The following FRMPD4 variants were observed in gnomAD, a reference collection of about 807,000 sequenced individuals.
The protein encoded by FRMPD4 is FERM and PDZ domain containing 4, also known as FERM and PDZ domain-containing protein 4.
In FRMPD4, 22 loss-of-function variants were observed where a neutral mutation model predicts 94.1. That is an observed-to-expected ratio of 0.23 (90% CI 0.17 to 0.33). The LOEUF (loss-of-function observed/expected upper bound fraction) is 0.33. Ranked by LOEUF, FRMPD4 falls within the 10% of genes least tolerant of loss-of-function variation. FRMPD4 has a pLI of 1.00. For missense variants in FRMPD4, 1,111 were observed against 1,339.9 expected (o/e 0.83, Z 2.67); for synonymous variants, 631 against 548.6 (o/e 1.15, Z -2.10).
intron 1 of FRMPD4, among the ~76,000 whole-genome samples, chrX:12,231,603 A>T (rs1383297371): frequency 1.8e-5 from 2 of 111,376 alleles, no homozygotes; most frequent in African/African-American, 6.5e-5. Context: ...CACTTCGAGG[A>T]ACTTTACAAA....
At chrX:12,361,334 T>TGC (rs2147991633) in intron 1 of FRMPD4, among the ~76,000 whole-genome samples, 1 of 112,580 alleles carries the variant, frequency 8.9e-6, no homozygotes, top group Non-Finnish European at 1.9e-5. Context: ...GAAACCTCTG[T>TGC]AGGACTGCAT....
intron 3 of FRMPD4, among the ~76,000 whole-genome samples, chrX:12,045,804 A>G (rs1240606693): frequency 9.0e-6 from 1 of 111,693 alleles, no homozygotes; most frequent in Non-Finnish European, 1.9e-5. Flanking sequence ...TTATGACTAT[A>G]TGAGACAATG....
upstream of FRMPD4, among the ~76,000 whole-genome samples, chrX:12,137,998 T>C (rs1230667128): frequency 1.8e-5 from 2 of 111,403 alleles, no homozygotes; most frequent in Non-Finnish European, 3.8e-5. Flanking sequence ...AGGGAGCAGC[T>C]GTGTTCATCC....
intron 3 of FRMPD4, among the ~76,000 whole-genome samples, chrX:11,930,107 CAAAAAAAAAAAAA>C (rs55973946): frequency 1.5e-4 from 2 of 13,257 alleles, no homozygotes; most frequent in South Asian, 0.013. Flanking sequence ...GACTCTGTCT[CAAAAAAAAAAAAA>C]AAAAAAAAAA....
intron 3 of FRMPD4, among the ~76,000 whole-genome samples, chrX:12,013,796 A>G (rs188461180): frequency 8.9e-6 from 1 of 112,973 alleles, no homozygotes. Flanking sequence ...ATTATTTCAA[A>G]TGTTTCCCTT....
chrX:12,614,393 A>C (rs2059214709), intron 3 of FRMPD4, among the ~76,000 whole-genome samples: 1 of 110,499 alleles, frequency 9.0e-6, no homozygotes, highest in Non-Finnish European at 1.9e-5. Flanking sequence ...ACACACACAC[A>C]CACACAATAT....
chrX:12,072,510 G>A (rs139155982), intron 3 of FRMPD4, among the ~76,000 whole-genome samples: 3,505 of 111,309 alleles, frequency 0.031, 134 homozygotes, highest in African/African-American at 0.11. Context: ...AATCATGCCC[G>A]GTTGTGTGCA....
intron 1 of FRMPD4, among the ~76,000 whole-genome samples, chrX:12,204,535 C>T (rs1030161980): frequency 8.1e-5 from 9 of 111,418 alleles, no homozygotes; most frequent in Non-Finnish European, 1.7e-4. Flanking sequence ...GCATGCCCTC[C>T]CTTTTAACAA....
At chrX:11,962,223 G>A (rs771078888) in intron 3 of FRMPD4, among the ~76,000 whole-genome samples, 1 of 112,047 alleles carries the variant, frequency 8.9e-6, no homozygotes, top group Non-Finnish European at 1.9e-5. Flanking sequence ...AAGTTACCCA[G>A]TCTAAAGTAT....
At chrX:12,077,873 A>G (rs2055032964) in intron 3 of FRMPD4, among the ~76,000 whole-genome samples, 1 of 111,646 alleles carries the variant, frequency 9.0e-6, no homozygotes, top group Non-Finnish European at 1.9e-5. Flanking sequence ...GTGTTCATTC[A>G]CTGTTGCTGT....
At chrX:12,139,296 T>TG (rs1260713900) in intron 1 of FRMPD4, among the ~76,000 whole-genome samples, 5 of 111,598 alleles carry the variant, frequency 4.5e-5, no homozygotes, top group South Asian at 7.8e-4. Flanking sequence ...CAGCGGTGTT[T>TG]GGGGTCCCAT....
At position 12,480,419 on chromosome X, in the gene FRMPD4, A is replaced by G. The variant is rs1450251533; in HGVS notation, c.42-18261A>G. On this transcript the variant is annotated intron_variant, in intron 1 of 16. Coordinates refer to ENST00000675598, the MANE Select transcript of FRMPD4 (RefSeq NM_001368397.1). Reference sequence around the variant, plus strand: ...CTCCTAGGAGAGATTTTTCTATCCTAAAATATTGGATATCACTGGGAGAAA... The same window carrying G: ...CTCCTAGGAGAGATTTTTCTATCCTGAAATATTGGATATCACTGGGAGAAA... Among the ~76,000 whole-genome samples the G allele has an allele frequency of 2.7e-5, 3 of 109,716 alleles. No homozygotes were observed. In the East Asian group the frequency reaches 8.5e-4, roughly 31 times the overall value.
chrX:12,367,595 G>T (rs987357714), intron 1 of FRMPD4, among the ~76,000 whole-genome samples: 1 of 111,587 alleles, frequency 9.0e-6, no homozygotes, highest in Non-Finnish European at 1.9e-5. Flanking sequence ...CGCTGCACTC[G>T]TTGGAGAGGA....
intron 1 of FRMPD4, among the ~76,000 whole-genome samples, chrX:12,435,899 C>T (rs2057061002): frequency 8.9e-6 from 1 of 111,752 alleles, no homozygotes; most frequent in South Asian, 3.8e-4. Flanking sequence ...TTCAGATTTT[C>T]GGTTATTTCT....
At chrX:11,875,615 A>T (rs1011139992) in intron 2 of FRMPD4, among the ~76,000 whole-genome samples, 3 of 111,662 alleles carry the variant, frequency 2.7e-5, no homozygotes, top group African/African-American at 9.8e-5. Flanking sequence ...CAGCCCCTAG[A>T]AGGGGACACA....
intron 2 of FRMPD4, among the ~76,000 whole-genome samples, chrX:12,519,875 C>T (rs2058143006): frequency 1.8e-5 from 2 of 111,971 alleles, no homozygotes; most frequent in South Asian, 7.5e-4. Context: ...AGGATAGCTA[C>T]TCTCATAAAA....
At chrX:12,488,545 T>C (rs943268759) in intron 1 of FRMPD4, among the ~76,000 whole-genome samples, 1 of 111,966 alleles carries the variant, frequency 8.9e-6, no homozygotes, top group African/African-American at 3.2e-5. Flanking sequence ...GTTCAGAGAT[T>C]TAAAACTCCC....
At chrX:12,143,269 T>C (rs1348179064) in intron 1 of FRMPD4, among the ~76,000 whole-genome samples, 1 of 112,793 alleles carries the variant, frequency 8.9e-6, no homozygotes, top group Non-Finnish European at 1.9e-5. Flanking sequence ...ATGAGCCAAA[T>C]CTGGCTTGCT....
intron 2 of FRMPD4, among the ~76,000 whole-genome samples, chrX:12,555,239 G>T (rs890714561): frequency 9.0e-6 from 1 of 111,156 alleles, no homozygotes; most frequent in African/African-American, 3.3e-5. Flanking sequence ...CATATAACTG[G>T]TGAGTCATAG....
Sources: allele counts gnomAD v4.1 joint callset (sites outside exome capture counted in the v4.1 genomes callset), GRCh38; gene constraint gnomAD v4.1.1; transcripts MANE v1.5; gene names NCBI Gene and HGNC (gene_info 2026-07-23, HGNC 2026-07-21).